The following SPHKAP variants were observed in gnomAD, a reference collection of about 807,000 sequenced individuals.
The protein encoded by SPHKAP is SPHK1 interactor, AKAP domain containing.
In SPHKAP, 67 loss-of-function variants were observed where a neutral mutation model predicts 137.5. The ratio of observed to expected loss-of-function variants is 0.49; its 90% confidence interval spans 0.40 to 0.60. SPHKAP has a LOEUF of 0.60. SPHKAP is among the 20% of genes least tolerant of loss of function. The pLI, the probability that SPHKAP is intolerant of heterozygous loss-of-function variation, is 0.00. For missense variants in SPHKAP, 2,097 were observed against 2,069.3 expected (o/e 1.01, Z -0.26); for synonymous variants, 813 against 785.3 (o/e 1.04, Z -0.59).
intron 3 of SPHKAP, 25 bp from the exon 4 acceptor site, chr2:228,027,568 AC>A: frequency 6.2e-7 from 1 of 1,612,176 alleles, no homozygotes; most frequent in Non-Finnish European, 8.5e-7. Flanking sequence ...CAAAAATAGT[AC>A]GTTAAAGTCA....
intron 3 of SPHKAP, among the ~76,000 whole-genome samples, chr2:228,040,753 A>G (rs1695805157): frequency 6.6e-6 from 1 of 152,238 alleles, no homozygotes; most frequent in Non-Finnish European, 1.5e-5. Flanking sequence ...AATTAAAAAA[A>G]TAAGTATGCA....
At chr2:227,995,806 G>T in intron 7 of SPHKAP, 112 bp from the exon 8 acceptor site, 1 of 1,338,868 alleles carries the variant, frequency 7.5e-7, no homozygotes, top group Non-Finnish European at 9.8e-7. Flanking sequence ...CTGGACACAG[G>T]CAGAGTCTCC....
intron 3 of SPHKAP, among the ~76,000 whole-genome samples, chr2:228,061,618 C>T (rs1181160650): frequency 6.6e-6 from 1 of 151,974 alleles, no homozygotes; most frequent in Non-Finnish European, 1.5e-5. Flanking sequence ...CTCAATTTTA[C>T]CCATTACTGG....
chr2:228,066,654 A>G (rs1219067692), intron 3 of SPHKAP, among the ~76,000 whole-genome samples: 1 of 152,196 alleles, frequency 6.6e-6, no homozygotes, highest in Non-Finnish European at 1.5e-5. Flanking sequence ...TAATGAGCAC[A>G]AAGCGTCTTG....
intron 1 of SPHKAP, among the ~76,000 whole-genome samples, chr2:228,138,361 C>T (rs1699498547): frequency 6.6e-6 from 1 of 152,204 alleles, no homozygotes; most frequent in South Asian, 2.1e-4. Flanking sequence ...GCTGCAATAA[C>T]TTGCATAAAA....
chr2:228,147,285 C>G (rs1277047849), intron 1 of SPHKAP, among the ~76,000 whole-genome samples: 1 of 152,106 alleles, frequency 6.6e-6, no homozygotes, highest in African/African-American at 2.4e-5. Flanking sequence ...GTCTATAGTC[C>G]TGAGATACCA....
intron 3 of SPHKAP, among the ~76,000 whole-genome samples, chr2:228,061,133 G>C (rs1029818335): frequency 7.2e-5 from 11 of 152,210 alleles, no homozygotes; most frequent in Non-Finnish European, 1.0e-4. Flanking sequence ...GCATAGCATA[G>C]GAATTGGGGA....
intron 3 of SPHKAP, among the ~76,000 whole-genome samples, chr2:228,032,680 T>C (rs543854875): frequency 6.6e-6 from 1 of 152,208 alleles, no homozygotes; most frequent in African/African-American, 2.4e-5. Context: ...GCTGATCTCT[T>C]GGCAGAAACT....
chr2:228,152,610 G>T (rs1699970651), intron 1 of SPHKAP, among the ~76,000 whole-genome samples: 2 of 151,604 alleles, frequency 1.3e-5, no homozygotes, highest in Admixed American at 1.3e-4. Context: ...ATATATTTGG[G>T]TCCATTTAAT....
At chr2:228,151,082 G>A (rs55919834) in intron 1 of SPHKAP, among the ~76,000 whole-genome samples, 10 of 128,912 alleles carry the variant, frequency 7.8e-5, no homozygotes, top group Admixed American at 2.5e-4. Context: ...ATCCCTCCCC[G>A]CTCCCCCCAC....
At chr2:228,097,669 T>C (rs905260982) in intron 3 of SPHKAP, among the ~76,000 whole-genome samples, 3 of 152,168 alleles carry the variant, frequency 2.0e-5, no homozygotes, top group South Asian at 2.1e-4. Context: ...CCACACTCCA[T>C]CTCTAGCAGT....
Position 228,076,880 on chromosome 2 carries a change from T to C in SPHKAP, c.246+31952A>G, listed in dbSNP as rs551520897. On this transcript the variant is annotated intron_variant, in intron 3 of 11. Transcript: ENST00000392056. ...GTCTCCAGGGCATGTCAGAGACCTATGCAGCAGTCCCTCCTATCACAGACC... is the reference window on the plus strand; with the variant it reads ...GTCTCCAGGGCATGTCAGAGACCTACGCAGCAGTCCCTCCTATCACAGACC... 5.2e-4 allele frequency among the ~76,000 whole-genome samples: 79 copies of C among 152,294 alleles called. 1 individual carries two copies. Among genetic ancestry groups the C allele is most frequent in the African/African-American group, 1.7e-3 (70 of 41,580 alleles).
intron 3 of SPHKAP, among the ~76,000 whole-genome samples, chr2:228,032,519 A>G (rs556496352): frequency 1.3e-5 from 2 of 152,336 alleles, no homozygotes; most frequent in Admixed American, 6.5e-5. Flanking sequence ...CAGATCCAGG[A>G]AATACAGAGA....
intron 3 of SPHKAP, among the ~76,000 whole-genome samples, chr2:228,092,202 T>TAC (rs1370267702): frequency 7.8e-6 from 1 of 128,328 alleles, no homozygotes; most frequent in Admixed American, 8.5e-5. Flanking sequence ...TACACATGCA[T>TAC]ACACACATAT....
intron 3 of SPHKAP, among the ~76,000 whole-genome samples, chr2:228,028,543 C>T (rs1480369881): frequency 6.6e-6 from 1 of 152,176 alleles, no homozygotes; most frequent in Non-Finnish European, 1.5e-5. Context: ...AACAGTGGTC[C>T]TTTAAGATTA....
rs567144445 is a variant in SPHKAP, at chr2:228,052,451, C to T, written c.247-24908G>A. Among the ~76,000 whole-genome samples, 7 of 152,302 alleles carry T rather than the reference C, an allele frequency of 4.6e-5. No individual in the cohort carries two copies. The East Asian group carries it at 1.3e-3, about 29-fold the overall frequency. ...TTATCATGGCTTCCAGTTTAAACAACAGCCACACAAACAAACAAAAAGAAT... is the reference window on the plus strand; with the variant it reads ...TTATCATGGCTTCCAGTTTAAACAATAGCCACACAAACAAACAAAAAGAAT... On this transcript the variant is annotated intron_variant, in intron 3 of 11. Transcript: ENST00000392056.
intron 4 of SPHKAP, among the ~76,000 whole-genome samples, chr2:228,027,042 C>T (rs1695068470): frequency 6.6e-6 from 1 of 152,170 alleles, no homozygotes; most frequent in East Asian, 1.9e-4. Context: ...GCATTTACAT[C>T]AGGGCCCTCA....
chr2:228,083,312 C>T (rs1310332782), intron 3 of SPHKAP, among the ~76,000 whole-genome samples: 2 of 152,186 alleles, frequency 1.3e-5, no homozygotes, highest in African/African-American at 4.8e-5. Context: ...CAACAGTGTA[C>T]AAGTGTTCCT....
chr2:228,138,446 T>A (rs893982224), intron 1 of SPHKAP, among the ~76,000 whole-genome samples: 4 of 152,212 alleles, frequency 2.6e-5, no homozygotes, highest in Non-Finnish European at 5.9e-5. Flanking sequence ...TCTGGTTTCA[T>A]CTCCTAGGTA....
Sources: allele counts gnomAD v4.1 joint callset (sites outside exome capture counted in the v4.1 genomes callset), GRCh38; gene constraint gnomAD v4.1.1; transcripts MANE v1.5; gene names NCBI Gene and HGNC (gene_info 2026-07-23, HGNC 2026-07-21).